CREBBP: variants seen among roughly 807,000 people sequenced by gnomAD.
CREBBP encodes the protein CREB-binding protein.
A neutral mutation model predicts 265.0 loss-of-function variants in CREBBP; 19 were observed. The observed-to-expected ratio is 0.07, with a 90% CI of 0.05 to 0.11. CREBBP has a LOEUF of 0.11. Among genes scored for constraint, CREBBP ranks in the 10% least tolerant of loss-of-function variants. The probability of loss-of-function intolerance (pLI) is 1.00; values close to 1 mark genes in which losing one functional copy is unlikely to be tolerated. For missense variants in CREBBP, 2,525 were observed against 3,219.0 expected, an observed-to-expected ratio of 0.78 and a Z score of 5.22; for synonymous variants, 1,457 against 1,223.7, an observed-to-expected ratio of 1.19 and a Z score of -3.98.
rs968688423 is a variant in CREBBP at position 3,731,716 on chromosome 16, T to C, written c.4890+60A>G. ...TGCACACGGGCCCACGCCCGCCAGCTGCGAGTCTTTCCCTCCTCCCGGCCA... is the reference window on the plus strand; with the variant it reads ...TGCACACGGGCCCACGCCCGCCAGCCGCGAGTCTTTCCCTCCTCCCGGCCA... On this transcript the variant is annotated intron_variant, in intron 29 of 30. Coordinates refer to ENST00000262367, the MANE Select transcript of CREBBP (RefSeq NM_004380.3). The surrounding 1 kb of genome is among the most constrained non-coding windows in gnomAD (Gnocchi z 7.7). The C allele has an allele frequency of 1.2e-4, 200 of 1,609,864 alleles. No individual in the cohort carries two copies. Among genetic ancestry groups the C allele is most frequent in the Non-Finnish European group, 1.6e-4 (190 of 1,176,950 alleles).
intron 5 of CREBBP, among the ~76,000 whole-genome samples, chr16:3,784,778 T>C (rs1232937634): frequency 1.3e-5 from 2 of 152,192 alleles, no homozygotes; most frequent in African/African-American, 4.8e-5. Context: ...TTAACTAAAA[T>C]GCCCCACCTT....
At chr16:3,785,160 C>T (rs1453464008) in intron 5 of CREBBP, among the ~76,000 whole-genome samples, 1 of 152,192 alleles carries the variant, frequency 6.6e-6, no homozygotes, top group Non-Finnish European at 1.5e-5. Flanking sequence ...AGGGGAGTCA[C>T]TATGTATAAG....
intron 2 of CREBBP, among the ~76,000 whole-genome samples, chr16:3,839,397 A>G (rs1156861385): frequency 6.6e-6 from 1 of 152,102 alleles, no homozygotes; most frequent in African/African-American, 2.4e-5. Flanking sequence ...AGAAATTCAT[A>G]AGGCTGGGTG....
Position 3,728,035 on chromosome 16 carries a change from A to T in CREBBP, c.7012T>A (p.Ser2338Thr), listed in dbSNP as rs2151299854. Reference protein sequence around the residue: ...SHLPGQQIATSLSNQVRSPAP... With the variant: ...SHLPGQQIATTLSNQVRSPAP... ...GGAGACCGCACCTGGTTACTAAGGGACGTGGCGATCTGCTGGCCAGGGAGA... is the reference window on the plus strand; with the variant it reads ...GGAGACCGCACCTGGTTACTAAGGGTCGTGGCGATCTGCTGGCCAGGGAGA... The change falls in exon 31 of 31, where the codon TCC (serine) becomes ACC (threonine). Residue 2338 changes from serine (S) to threonine (T), a missense_variant. Physicochemically the swap from Ser to Thr is moderately conservative, Grantham distance 58. Transcript: ENST00000262367. This position sits in a 1 kb window ranked among gnomAD's most constrained non-coding sequence, Gnocchi z 8.7. 2 of 1,612,026 alleles carry T rather than the reference A, an allele frequency of 1.2e-6. No homozygotes were observed. Among genetic ancestry groups the T allele is most frequent in the Non-Finnish European group, 1.7e-6 (2 of 1,178,446 alleles).
intron 8 of CREBBP, among the ~76,000 whole-genome samples, chr16:3,779,346 T>TAAA (rs1371061613): frequency 6.6e-6 from 1 of 152,132 alleles, no homozygotes; most frequent in East Asian, 1.9e-4. Context: ...GGCTAATTTT[T>TAAA]AAATTTTCTG....
intron 3 of CREBBP, among the ~76,000 whole-genome samples, chr16:3,801,908 G>A (rs1330051248): frequency 6.6e-6 from 1 of 152,062 alleles, no homozygotes; most frequent in Non-Finnish European, 1.5e-5. Context: ...TCCCCTGCCT[G>A]TTACTATTTT....
chr16:3,751,687 C>G, intron 20 of CREBBP, 39 bp downstream of exon 20: 1 of 1,590,630 alleles, frequency 6.3e-7, no homozygotes, highest in South Asian at 1.1e-5. Flanking sequence ...TTAAGGTCAC[C>G]CTCCCTCACC....
chr16:3,760,311 C>T lies in CREBBP; in HGVS notation c.3251-1339G>A, dbSNP rs182394672. Among the ~76,000 whole-genome samples the T allele has an allele frequency of 2.6e-3, 388 of 150,322 alleles. 5 individuals are homozygous for T. Among genetic ancestry groups the T allele is most frequent in the Middle Eastern group, 0.01 (3 of 288 alleles). Reference sequence around the variant, plus strand: ...CTCACTATGTTGTCCAAGCTGGTCTCGAACTCCTGAGCTCAAGCGCTCCCC... The same window carrying T: ...CTCACTATGTTGTCCAAGCTGGTCTTGAACTCCTGAGCTCAAGCGCTCCCC... On this transcript the variant is annotated intron_variant, in intron 16 of 30. Coordinates refer to ENST00000262367, the MANE Select transcript of CREBBP (RefSeq NM_004380.3).
chr16:3,779,896 G>A (rs1212872867), intron 8 of CREBBP, among the ~76,000 whole-genome samples: 1 of 152,058 alleles, frequency 6.6e-6, no homozygotes, highest in African/African-American at 2.4e-5. Flanking sequence ...TTGAGGCCAG[G>A]AGTTTGAGAC....
At chr16:3,777,567 G>A (rs1212107205) in intron 11 of CREBBP, 46 bp downstream of exon 11, 1 of 1,588,360 alleles carries the variant, frequency 6.3e-7, no homozygotes. Context: ...AGTTATGGCT[G>A]TTGAATGTAA....
intron 1 of CREBBP, among the ~76,000 whole-genome samples, chr16:3,873,088 A>C (rs2055333417): frequency 6.6e-6 from 1 of 152,230 alleles, no homozygotes; most frequent in South Asian, 2.1e-4. Context: ...GATGGTTCTA[A>C]GTACTCACAG....
At chr16:3,764,410 G>A (rs1394008190) in intron 16 of CREBBP, among the ~76,000 whole-genome samples, 1 of 151,062 alleles carries the variant, frequency 6.6e-6, no homozygotes, top group African/African-American at 2.4e-5. Context: ...CTGAGCCATT[G>A]GGACTACAGG....
intron 11 of CREBBP, among the ~76,000 whole-genome samples, chr16:3,776,166 C>T (rs2053133680): frequency 6.6e-6 from 1 of 151,844 alleles, no homozygotes; most frequent in Non-Finnish European, 1.5e-5. Context: ...GATCCTCCTG[C>T]TTCGGCCTCC....
chr16:3,764,909 A>G (rs534637141), intron 16 of CREBBP, among the ~76,000 whole-genome samples: 1 of 152,298 alleles, frequency 6.6e-6, no homozygotes, highest in South Asian at 2.1e-4. Context: ...TGAGATAGTA[A>G]AAAGTATTCC....
chr16:3,854,680 T>A (rs753148803), intron 1 of CREBBP, among the ~76,000 whole-genome samples: 2 of 152,172 alleles, frequency 1.3e-5, no homozygotes, highest in East Asian at 3.8e-4. Flanking sequence ...GGCACAGGCA[T>A]TGGGAATCTT....
intron 26 of CREBBP, among the ~76,000 whole-genome samples, chr16:3,737,175 CA>C (rs2052083004): frequency 6.6e-6 from 1 of 152,168 alleles, no homozygotes; most frequent in Admixed American, 6.5e-5. Context: ...TATTTTTCTC[CA>C]AGGGTCAATG....
intron 2 of CREBBP, among the ~76,000 whole-genome samples, chr16:3,847,813 G>C (rs1269837842): frequency 6.6e-6 from 1 of 152,154 alleles, no homozygotes; most frequent in Non-Finnish European, 1.5e-5. Context: ...GACCAACAGA[G>C]AACAGATTCT....
intron 2 of CREBBP, among the ~76,000 whole-genome samples, chr16:3,842,707 G>A (rs1038802883): frequency 3.3e-5 from 5 of 152,090 alleles, no homozygotes; most frequent in Admixed American, 3.3e-4. Context: ...GCTCATGCCT[G>A]TAACCTCAGC....
chr16:3,747,310 G>C (rs1172029600), intron 21 of CREBBP, among the ~76,000 whole-genome samples: 2 of 152,222 alleles, frequency 1.3e-5, no homozygotes, highest in Non-Finnish European at 2.9e-5. Context: ...AACGTCAAGA[G>C]ACAGTGTAAT....
Sources: gnomAD v4.1 joint callset for allele counts (sites outside exome capture counted in the v4.1 genomes callset) on GRCh38, gnomAD v4.1.1 for gene constraint, Gnocchi (gnomAD v3.1) non-coding constraint, MANE v1.5 for transcripts, NCBI Gene and HGNC (gene_info 2026-07-23, HGNC 2026-07-21) for gene names.